Variants in EPHA5 observed in about 807,000 individuals in gnomAD.
EPHA5 encodes the protein EPH receptor A5.
In EPHA5, 60 loss-of-function variants were observed where a neutral mutation model predicts 105.0. That is an observed-to-expected ratio of 0.57 (90% CI 0.46 to 0.71). The LOEUF (loss-of-function observed/expected upper bound fraction) is 0.71. Ranked by LOEUF, EPHA5 falls within the 30% of genes least tolerant of loss-of-function variation. The pLI is 0.00. For synonymous variants in EPHA5, 513 were observed against 449.1 expected (o/e 1.14, Z -1.80); for missense variants, 1,218 against 1,274.7 (o/e 0.96, Z 0.68).
intron 8 of EPHA5, among the ~76,000 whole-genome samples, chr4:65,391,180 C>T (rs1560485723): frequency 6.6e-6 from 1 of 152,020 alleles, no homozygotes; most frequent in Non-Finnish European, 1.5e-5. Context: ...CTGGTCTCTC[C>T]TTTGACATGA....
Position 65,616,428 on chromosome 4 carries a change from T to TACACAC in EPHA5, c.247-14130_247-14125dup, listed in dbSNP as rs34942929. Among the ~76,000 whole-genome samples, 1,039 of 143,618 alleles carry TACACAC rather than the reference T, an allele frequency of 7.2e-3. 5 individuals carry two copies. The highest frequency in any genetic ancestry group is 0.024 in the Middle Eastern group (7 of 288). 94.2% of individuals were successfully genotyped at this position (143,618 alleles called of 152,430 possible). A position where few individuals can be genotyped will look rare whatever the true frequency, so the allele number is the denominator to read the frequency against. On this transcript the variant is annotated intron_variant, in intron 2 of 16. Transcript: ENST00000613740. ...TGATGAATTGTACAGACTTAATGCA[T>TACACAC]ACACACACACACACACACACACACA...
chr4:65,554,848 C>T (rs759602924), intron 3 of EPHA5, among the ~76,000 whole-genome samples: 17 of 151,652 alleles, frequency 1.1e-4, no homozygotes, highest in Admixed American at 3.3e-4. Context: ...GAGAGATAAA[C>T]ATCCTTGGTA....
At chr4:65,600,156 C>T (rs1225019151) in intron 3 of EPHA5, among the ~76,000 whole-genome samples, 1 of 152,114 alleles carries the variant, frequency 6.6e-6, no homozygotes, top group Admixed American at 6.6e-5. Context: ...TTGCTTATAA[C>T]TCCTGCTTTT....
chr4:65,655,044 G>T (rs898564399), intron 1 of EPHA5, among the ~76,000 whole-genome samples: 1 of 150,624 alleles, frequency 6.6e-6, no homozygotes, highest in Non-Finnish European at 1.5e-5. Context: ...TTTTTCTTTT[G>T]CACAGTGTTA....
intron 5 of EPHA5, among the ~76,000 whole-genome samples, chr4:65,435,499 C>T (rs1448990772): frequency 6.6e-6 from 1 of 152,002 alleles, no homozygotes; most frequent in Non-Finnish European, 1.5e-5. Flanking sequence ...GCCACAAGGA[C>T]AAGGGGAGAG....
At chr4:65,547,126 A>G (rs1737451685) in intron 3 of EPHA5, among the ~76,000 whole-genome samples, 1 of 152,004 alleles carries the variant, frequency 6.6e-6, no homozygotes, top group African/African-American at 2.4e-5. Context: ...GAAGGAAAGA[A>G]AGAGGTCTGT....
At chr4:65,601,561 C>T in intron 3 of EPHA5, 80 bp downstream of exon 3, 1 of 1,324,038 alleles carries the variant, frequency 7.6e-7, no homozygotes, top group Non-Finnish European at 1.0e-6. Flanking sequence ...AGGTCATTTC[C>T]TCATAATCAT....
At chr4:65,510,565 T>C (rs1357321663) in intron 3 of EPHA5, among the ~76,000 whole-genome samples, 1 of 152,166 alleles carries the variant, frequency 6.6e-6, no homozygotes, top group African/African-American at 2.4e-5. Flanking sequence ...GCACCTCTTT[T>C]GTGGAATTTC....
rs531917323 is a variant in EPHA5, at chr4:65,355,445, G to A, written c.2174-2342C>T. Among the ~76,000 whole-genome samples the A allele has an allele frequency of 3.3e-5, 5 of 151,560 alleles. No individual in the cohort carries two copies. In the East Asian group the frequency reaches 9.7e-4, roughly 29 times the overall value. On this transcript the variant is annotated intron_variant, in intron 11 of 16. Transcript: ENST00000613740. ...ACTTAAACTTTATTTTAACTATATT[G>A]TCAGACTCTTTTTAAAGGACCTCAG...
intron 5 of EPHA5, among the ~76,000 whole-genome samples, chr4:65,440,656 A>C (rs1281146633): frequency 6.6e-6 from 1 of 152,080 alleles, no homozygotes; most frequent in African/African-American, 2.4e-5. Flanking sequence ...TAGTAATCAT[A>C]AGCAATTCAA....
rs537258186 is a variant in EPHA5 at position 65,398,800 on chromosome 4, G to A, written c.1793+5574C>T. Among the ~76,000 whole-genome samples the A allele has an allele frequency of 7.9e-5, 12 of 152,220 alleles. No individual in the cohort carries two copies. The South Asian group carries it at 2.5e-3, about 32-fold the overall frequency. ...ACACTCTGGGTCTCCTCTCCTGAGA[G>A]CTGCACTCACTGGGATGATCTACCT... On this transcript the variant is annotated intron_variant, in intron 8 of 16. Transcript: ENST00000613740.
chr4:65,345,503 T>C (rs1462290234), intron 14 of EPHA5, among the ~76,000 whole-genome samples: 1 of 152,146 alleles, frequency 6.6e-6, no homozygotes, highest in Non-Finnish European at 1.5e-5. Flanking sequence ...GTGCATCCAA[T>C]AAGAATGTGT....
chr4:65,605,098 T>C (rs1261763203), intron 2 of EPHA5, among the ~76,000 whole-genome samples: 1 of 152,158 alleles, frequency 6.6e-6, no homozygotes, highest in Admixed American at 6.5e-5. Context: ...TGCCCATTCT[T>C]TCCCGTTAAG....
At chr4:65,473,249 G>T (rs1385982339) in intron 5 of EPHA5, among the ~76,000 whole-genome samples, 1 of 152,106 alleles carries the variant, frequency 6.6e-6, no homozygotes, top group African/African-American at 2.4e-5. Flanking sequence ...CGTCTTCTGA[G>T]CCCTTCAAAC....
chr4:65,460,883 G>A (rs1402837337), intron 5 of EPHA5, among the ~76,000 whole-genome samples: 1 of 151,772 alleles, frequency 6.6e-6, no homozygotes, highest in Non-Finnish European at 1.5e-5. Context: ...ATTATAGATA[G>A]TAGTTTAATG....
intron 11 of EPHA5, among the ~76,000 whole-genome samples, chr4:65,361,288 C>T (rs1577915279): frequency 1.3e-5 from 2 of 151,506 alleles, no homozygotes; most frequent in South Asian, 4.2e-4. Context: ...ACCTGAAGGT[C>T]GAGTAGAGAG....
At chr4:65,352,746 A>C (rs536142877) in intron 12 of EPHA5, among the ~76,000 whole-genome samples, 37 of 150,882 alleles carry the variant, frequency 2.5e-4, no homozygotes, top group Admixed American at 1.0e-3. Flanking sequence ...TTCTTTTTTA[A>C]AATTTTTCTT....
At chr4:65,329,775 G>A (rs557599261) in intron 16 of EPHA5, among the ~76,000 whole-genome samples, 71 of 149,032 alleles carry the variant, frequency 4.8e-4, no homozygotes, top group Non-Finnish European at 8.9e-4. Context: ...TGATAATCCC[G>A]TCTCCTTTGC....
At chr4:65,417,562 T>G (rs1368559298) in intron 6 of EPHA5, among the ~76,000 whole-genome samples, 1 of 152,146 alleles carries the variant, frequency 6.6e-6, no homozygotes. Context: ...TTAATGAATG[T>G]AAATAGGCAA....
Sources: gnomAD v4.1 joint callset for allele counts (sites outside exome capture counted in the v4.1 genomes callset) on GRCh38, gnomAD v4.1.1 for gene constraint, MANE v1.5 for transcripts, NCBI Gene and HGNC (gene_info 2026-07-23, HGNC 2026-07-21) for gene names.